NDST2: variants seen among roughly 807,000 people sequenced by gnomAD.
The protein encoded by NDST2 is N-deacetylase and N-sulfotransferase 2, also known as bifunctional heparan sulfate N-deacetylase/N-sulfotransferase 2.
A neutral mutation model predicts 86.9 loss-of-function variants in NDST2; 32 were observed. That is an observed-to-expected ratio of 0.37 (90% CI 0.28 to 0.49). The LOEUF is 0.49. Ranked by LOEUF, NDST2 falls within the 20% of genes least tolerant of loss-of-function variation. The pLI is 0.97. For synonymous variants in NDST2, 409 were observed against 437.0 expected (o/e 0.94, Z 0.80); for missense variants, 950 against 1,146.9 (o/e 0.83, Z 2.48).
chr10:73,811,446 C>CG (rs35611463), intron 1 of NDST2, 28 bp downstream of exon 1: 68,664 of 150,984 alleles, frequency 0.45, 17,650 homozygotes, highest in Middle Eastern at 0.63. Context: ...CGACCGTGGG[C>CG]GGGGGGGTCT....
chr10:73,805,704 C>G lies in NDST2; in HGVS notation c.1629G>C (p.Glu543Asp), dbSNP rs754665826. The G allele has an allele frequency of 3.1e-6, 5 of 1,614,086 alleles. No individual in the cohort carries two copies. Residue 543 changes from glutamate to aspartate, a missense_variant, in exon 8 of 15, where the codon GAG (glutamate) becomes GAC (aspartate). By Grantham distance (45) the Glu-to-Asp change is conservative (BLOSUM62 2). Coordinates refer to ENST00000309979, the MANE Select transcript of NDST2 (RefSeq NM_003635.4). ...AACACTGGAGGAAGCGCACCAAGCT[C>G]TCAAAGGTGTATAGGCCCAGCCGGT... ...GNDRLGLYTF[E>D]SLVRFLQCWT...
In NDST2 at chr10:73,807,880, C is replaced by A. The variant is rs1302757000; in HGVS notation, c.509G>T (p.Gly170Val). 6.2e-7 allele frequency: 1 copy of A among 1,613,860 alleles called. No homozygotes were observed. The highest frequency in any genetic ancestry group is 8.5e-7 in the Non-Finnish European group (1 of 1,179,920). The change falls in exon 3 of 15, where the codon GGC becomes GTC. Residue 170 changes from glycine (G) to valine (V), a missense_variant. This residue lies in a region of NDST2 where 586 missense variants were observed against 714.0 expected (regional missense o/e 0.82). Transcript: ENST00000309979. ...YCVEYGVGII[G>V]FFRAHEHSLL... ...GCTGTGCTCGTGGGCTCGGAAAAAGCCAATGATGCCCACACCATACTCCAC... is the reference window on the plus strand; with the variant it reads ...GCTGTGCTCGTGGGCTCGGAAAAAGACAATGATGCCCACACCATACTCCAC...
At position 73,807,701 on chromosome 10, in the gene NDST2, A is replaced by G; in HGVS notation, c.688T>C (p.Phe230Leu). 6.2e-7 allele frequency: 1 copy of G among 1,614,234 alleles called. No individual in the cohort carries two copies. The highest frequency in any genetic ancestry group is 8.5e-7 in the Non-Finnish European group (1 of 1,180,042). ...GPLPGDDWTIFQSNHSTYEPV... is the reference protein window; with the variant it reads ...GPLPGDDWTILQSNHSTYEPV... ...TCATATGTACTATGATTGGATTGGA[A>G]GATGGTCCAGTCATCACCAGGCAGT... The change falls in exon 3 of 15, where the codon TTC becomes CTC. Residue 230 changes from phenylalanine to leucine, a missense_variant. By Grantham distance (22) the Phe-to-Leu change is conservative. Around this residue, in one of 5 missense-constraint regions of NDST2, gnomAD observed 586 missense variants for 714.0 expected, o/e 0.82. Transcript: ENST00000309979.
At position 73,802,259 on chromosome 10, in the gene NDST2, C is replaced by A; in HGVS notation, c.*192G>T. The A allele has an allele frequency of 3.1e-6, 2 of 636,896 alleles. No homozygotes were observed. Among genetic ancestry groups the A allele is most frequent in the Non-Finnish European group, 5.4e-6 (2 of 370,464 alleles). The allele number at this position is 636,896 out of a possible 1,614,324, so 39.5% of individuals were successfully genotyped here. On this transcript the variant is annotated 3_prime_UTR_variant, in exon 15 of 15. Coordinates refer to ENST00000309979, the MANE Select transcript of NDST2 (RefSeq NM_003635.4). ...TACCTAGCACTATTATGTGGGGTAC[C>A]AAAGGAAGCCCCTTTATTTGTCCCA...
In NDST2 at chr10:73,808,654, T is replaced by G; in HGVS notation, c.-266A>C. 2.4e-6 allele frequency: 1 copy of G among 410,630 alleles called. No individual in the cohort carries two copies. The highest frequency in any genetic ancestry group is 4.4e-6 in the Non-Finnish European group (1 of 229,162). The allele number at this position is 410,630 out of a possible 1,614,324, so 25.4% of individuals were successfully genotyped here. ...GGCCCATGGCTTCAGGCTGCAAATC[T>G]TGCCAGGCTCTCCCCTTGGCCCTGG... On this transcript the variant is annotated 5_prime_UTR_variant, in exon 3 of 15. Transcript: ENST00000309979. This position sits in a 1 kb window ranked among gnomAD's most constrained non-coding sequence, Gnocchi z 4.3.
Position 73,802,504 on chromosome 10 carries a change from G to A in NDST2, c.2599C>T (p.Gln867Ter), listed in dbSNP as rs769042004. Residue 867 changes from glutamine to a stop codon, truncating the protein, a stop_gained, in exon 15 of 15, where the codon CAG becomes TAG. Coordinates refer to ENST00000309979, the MANE Select transcript of NDST2 (RefSeq NM_003635.4). LOFTEE classifies it high-confidence loss of function. ...ELSKLLSRLG[Q>*]PVPSWLREEL... ...TCCCGAAGCCACGAGGGCACTGGCT[G>A]TCCAAGCCGGCTCAGCAGCTTCGAC... 1 of 1,613,846 alleles carries A rather than the reference G, an allele frequency of 6.2e-7. No individual in the cohort carries two copies. Among genetic ancestry groups the A allele is most frequent in the East Asian group, 2.2e-5 (1 of 44,892 alleles).
intron 11 of NDST2, 50 bp downstream of exon 11, chr10:73,803,524 T>TC: frequency 2.4e-6 from 1 of 418,244 alleles, no homozygotes; most frequent in Non-Finnish European, 4.7e-6. Flanking sequence ...CACTGTCCCC[T>TC]CCCCCCTCCC....
At chr10:73,802,916 C>A in intron 13 of NDST2, 56 bp downstream of exon 13, 2 of 1,565,580 alleles carry the variant, frequency 1.3e-6, no homozygotes, top group East Asian at 2.2e-5. Flanking sequence ...CAGACATGGT[C>A]AACCTGCTTC....
chr10:73,803,300 T>C lies in NDST2; in HGVS notation c.2202A>G (p.Ser734=). 1 of 1,614,206 alleles carries C rather than the reference T, an allele frequency of 6.2e-7. No homozygotes were observed. Among genetic ancestry groups the C allele is most frequent in the Non-Finnish European group, 8.5e-7 (1 of 1,180,034 alleles). ...ALNYTFYQVI[S]ASSQTPLALR... ...GTGCCAGAGGGGTCTGGGAGGAGGC[T>C]GAAATCACCTGATAGAAGGTATAGT... Residue 734 remains serine (S), a synonymous_variant, in exon 12 of 15, where the codon TCA becomes TCG. Coordinates refer to ENST00000309979, the MANE Select transcript of NDST2 (RefSeq NM_003635.4).
At position 73,805,703 on chromosome 10, in the gene NDST2, T is replaced by A; in HGVS notation, c.1630A>T (p.Ser544Cys). The A allele has an allele frequency of 6.2e-7, 1 of 1,614,134 alleles. No homozygotes were observed. Among genetic ancestry groups the A allele is most frequent in the Non-Finnish European group, 8.5e-7 (1 of 1,180,024 alleles). ...NDRLGLYTFE[S>C]LVRFLQCWTR... Reference sequence around the variant, plus strand: ...CAACACTGGAGGAAGCGCACCAAGCTCTCAAAGGTGTATAGGCCCAGCCGG... The same window carrying A: ...CAACACTGGAGGAAGCGCACCAAGCACTCAAAGGTGTATAGGCCCAGCCGG... Residue 544 changes from serine (S) to cysteine (C), a missense_variant, in exon 8 of 15, where the codon AGC becomes TGC. Ser to Cys is a moderately radical substitution (Grantham distance 112). This residue lies in a region of NDST2 where 586 missense variants were observed against 714.0 expected (regional missense o/e 0.82). Coordinates refer to ENST00000309979, the MANE Select transcript of NDST2 (RefSeq NM_003635.4).
chr10:73,805,341 C>T (rs1274601928), intron 8 of NDST2, among the ~76,000 whole-genome samples: 9 of 151,802 alleles, frequency 5.9e-5, no homozygotes, highest in Non-Finnish European at 1.3e-4. Flanking sequence ...GGTGAAACCC[C>T]GTCTCTACTA....
rs754879229 is a variant in NDST2 at position 73,802,480 on chromosome 10, C to G, written c.2623G>C (p.Glu875Gln). The G allele has an allele frequency of 1.9e-6, 3 of 1,613,544 alleles. No homozygotes were observed. In the South Asian group the frequency reaches 3.3e-5, roughly 18 times the overall value. ...LGQPVPSWLR[E>Q]ELQHSSLG is the part of the protein sequence containing the mutation. The stretch of plus-strand genomic sequence containing the variant: ...CCCAGACTGGAATGCTGCAGTTCTT[C>G]CCGAAGCCACGAGGGCACTGGCTGT... Residue 875 changes from glutamate (E) to glutamine (Q), a missense_variant, in exon 15 of 15, where the codon GAA (glutamate) becomes CAA (glutamine). Transcript: ENST00000309979.
intron 8 of NDST2, among the ~76,000 whole-genome samples, 193 bp from the exon 9 acceptor site, chr10:73,805,062 C>T (rs148119324): frequency 7.8e-4 from 118 of 151,974 alleles, no homozygotes; most frequent in Middle Eastern, 6.8e-3. Flanking sequence ...CCACCATGTC[C>T]GGCTAATTTT....
At position 73,807,938 on chromosome 10, in the gene NDST2, C is replaced by A. The variant is rs2084134091; in HGVS notation, c.451G>T (p.Ala151Ser). Residue 151 changes from alanine to serine, a missense_variant, in exon 3 of 15, where the codon GCC becomes TCC. Ala to Ser is a moderately conservative substitution (Grantham distance 99). This residue lies in a region of NDST2 where 586 missense variants were observed against 714.0 expected (regional missense o/e 0.82). Coordinates refer to ENST00000309979, the MANE Select transcript of NDST2 (RefSeq NM_003635.4). ...ENLLKYVNLD[A>S]WSRELLDRYC... ...CGGTCTAGCAGTTCCCGACTCCAGG[C>A]ATCCAGGTTGACATACTTGAGCAGG... The A allele has an allele frequency of 6.8e-6, 11 of 1,614,224 alleles. No individual in the cohort carries two copies. Among genetic ancestry groups the A allele is most frequent in the African/African-American group, 1.3e-5 (1 of 75,056 alleles).
Position 73,806,462 on chromosome 10 carries a change from G to A in NDST2, c.1261C>T (p.Pro421Ser). The A allele has an allele frequency of 6.3e-7, 1 of 1,591,426 alleles. No individual in the cohort carries two copies. The highest frequency in any genetic ancestry group is 8.6e-7 in the Non-Finnish European group (1 of 1,166,584). ...GCCACAGCATACCCCAGGTCCGTGG[G>A]AATCCCATGCTCCTGGGAATGGCAT... ...NKQFALEHGI[P>S]TDLGYAVAPH... Residue 421 changes from proline (P) to serine (S), a missense_variant, in exon 6 of 15, where the codon CCC becomes TCC. Coordinates refer to ENST00000309979, the MANE Select transcript of NDST2 (RefSeq NM_003635.4). The surrounding 1 kb of genome is among the most constrained non-coding windows in gnomAD (Gnocchi z 4.5).
rs774109686 is a variant in NDST2, at chr10:73,806,379, G to A, written c.1344C>T (p.Ser448=). Residue 448 remains serine, a synonymous_variant, in exon 6 of 15, where the codon TCC becomes TCT. Transcript: ENST00000309979. This position sits in a 1 kb window ranked among gnomAD's most constrained non-coding sequence, Gnocchi z 4.5. ...IHTQLYEAWK[S]VWGIQVTSTE... ...TGCTGGTCACCTGGATGCCCCACAC[G>A]GATTTCCAGGCCTCATAGAGCTGCG... is the stretch of plus-strand genomic sequence containing the variant. The A allele has an allele frequency of 3.3e-5, 54 of 1,614,042 alleles. 1 individual carries two copies. The South Asian group carries it at 5.2e-4, about 15-fold the overall frequency.
At chr10:73,803,524 T>TCCCCCCCCCCCCCCCCCCCCCCCCC in intron 11 of NDST2, 50 bp downstream of exon 11, 1 of 418,246 alleles carries the variant, frequency 2.4e-6, no homozygotes, top group Non-Finnish European at 4.7e-6. Flanking sequence ...CACTGTCCCC[T>TCCCCCCCCCCCCCCCCCCCCCCCCC]CCCCCCTCCC....
chr10:73,806,356 C>T lies in NDST2; in HGVS notation c.1367G>A (p.Ser456Asn). The T allele has an allele frequency of 6.2e-7, 1 of 1,614,176 alleles. No homozygotes were observed. The highest frequency in any genetic ancestry group is 8.5e-7 in the Non-Finnish European group (1 of 1,180,030). Residue 456 changes from serine to asparagine, a missense_variant, in exon 6 of 15, where the codon AGC (serine) becomes AAC (asparagine). Physicochemically the swap from Ser to Asn is conservative, Grantham distance 46. This residue lies in a region of NDST2 where 586 missense variants were observed against 714.0 expected (regional missense o/e 0.82). Transcript: ENST00000309979. The surrounding 1 kb of genome is among the most constrained non-coding windows in gnomAD (Gnocchi z 4.5). The part of the protein sequence containing the change: ...WKSVWGIQVT[S>N]TEEYPHLRPA... ...GCGGAGATGGGGATACTCCTCAGTG[C>T]TGGTCACCTGGATGCCCCACACGGA...
intron 2 of NDST2, among the ~76,000 whole-genome samples, chr10:73,810,023 T>C (rs1306586096): frequency 6.6e-6 from 1 of 152,182 alleles, no homozygotes; most frequent in African/African-American, 2.4e-5. Flanking sequence ...TTAAATCGAC[T>C]GCTTCTGTAA....
Sources: allele counts gnomAD v4.1 joint callset (sites outside exome capture counted in the v4.1 genomes callset), GRCh38; gene constraint gnomAD v4.1.1; regional missense constraint gnomAD v4.1.1; non-coding constraint Gnocchi (gnomAD v3.1); transcripts MANE v1.5; gene names NCBI Gene and HGNC (gene_info 2026-07-23, HGNC 2026-07-21).